Variants in HDAC11 observed in about 807,000 individuals in gnomAD.
HDAC11 encodes histone deacetylase 11.
Under a neutral mutation model 41.1 loss-of-function variants are expected in HDAC11, and 23 were observed. That is an observed-to-expected ratio of 0.56 (90% CI 0.40 to 0.79). HDAC11 has a LOEUF of 0.79. HDAC11 is among the 30% of genes least tolerant of loss of function. The probability of loss-of-function intolerance (pLI) is 0.00; values close to 1 mark genes in which losing one functional copy is unlikely to be tolerated. For missense variants in HDAC11, 402 were observed against 477.3 expected, an observed-to-expected ratio of 0.84 and a Z score of 1.47; for synonymous variants, 187 against 186.6, an observed-to-expected ratio of 1.00 and a Z score of -0.02.
intron 3 of HDAC11, among the ~76,000 whole-genome samples, chr3:13,487,061 C>A (rs1055119187): frequency 6.6e-6 from 1 of 152,052 alleles, no homozygotes; most frequent in Non-Finnish European, 1.5e-5. Flanking sequence ...TCTTGCAGGC[C>A]GTGGGAGGAG....
intron 8 of HDAC11, 91 bp from the exon 9 acceptor site, chr3:13,504,003 C>A: frequency 8.2e-7 from 1 of 1,213,664 alleles, no homozygotes; most frequent in Non-Finnish European, 1.2e-6. Context: ...TCTGACAGAC[C>A]AGTTTCCAGT....
At chr3:13,491,381 CTGTTCCT>C (rs1247540894) in intron 3 of HDAC11, among the ~76,000 whole-genome samples, 52 of 152,156 alleles carry the variant, frequency 3.4e-4, no homozygotes, top group Middle Eastern at 6.8e-3. Flanking sequence ...GAGTTCCCTT[CTGTTCCT>C]AGTTTGTTGA....
chr3:13,502,780 G>A lies in HDAC11; in HGVS notation c.553-104G>A. On this transcript the variant is annotated intron_variant, in intron 7 of 9. Transcript: ENST00000295757. The surrounding 1 kb of genome is among the most constrained non-coding windows in gnomAD (Gnocchi z 4.1). Reference sequence around the variant, plus strand: ...CCTGCTGCCCCCGAGAGCAGGCCGTGCTGCCCTGGCAAATGGGGAGTTTCC... The same window carrying A: ...CCTGCTGCCCCCGAGAGCAGGCCGTACTGCCCTGGCAAATGGGGAGTTTCC... The A allele has an allele frequency of 1.2e-6, 1 of 807,562 alleles. No homozygotes were observed. Among genetic ancestry groups the A allele is most frequent in the African/African-American group, 1.7e-5 (1 of 59,274 alleles). The allele number at this position is 807,562 out of a possible 1,614,324, so 50.0% of individuals were successfully genotyped here.
chr3:13,498,328 G>A (rs528207911), intron 4 of HDAC11, among the ~76,000 whole-genome samples, 185 bp from the exon 5 acceptor site: 23 of 152,334 alleles, frequency 1.5e-4, no homozygotes, highest in Admixed American at 3.9e-4. Context: ...AGCCAAGCTG[G>A]CACTTACTTC....
chr3:13,504,583 C>G lies in HDAC11; in HGVS notation c.944C>G (p.Ser315Cys). Residue 315 changes from serine to cysteine, a missense_variant, in exon 10 of 10, where the codon TCC (serine) becomes TGC (cysteine). Transcript: ENST00000295757. Reference protein sequence around the residue: ...QKRTARIIADSILNLFGLGLI... With the variant: ...QKRTARIIADCILNLFGLGLI... ...CGCACAGCCCGCATCATTGCTGACT[C>G]CATACTTAATCTGTTTGGCCTGGGG... 1 of 1,613,812 alleles carries G rather than the reference C, an allele frequency of 6.2e-7. No homozygotes were observed. The highest frequency in any genetic ancestry group is 8.5e-7 in the Non-Finnish European group (1 of 1,180,034).
At chr3:13,482,429 G>A (rs1206932606) in intron 2 of HDAC11, among the ~76,000 whole-genome samples, 1 of 152,208 alleles carries the variant, frequency 6.6e-6, no homozygotes, top group East Asian at 1.9e-4. Context: ...CGGAAGATGA[G>A]CAAAGCACAG....
chr3:13,500,733 T>G lies in HDAC11; in HGVS notation c.433T>G (p.Ser145Ala). ...CGCAGGGGGTGGCTTCCACCACTGC[T>G]CCAGCGACCGTGGCGGGGGCTTCTG... is the stretch of plus-strand genomic sequence containing the variant. ...INVGGGFHHC[S>A]SDRGGGFCAY... is the part of the protein sequence containing the mutation. Residue 145 changes from serine (S) to alanine (A), a missense_variant, in exon 6 of 10, where the codon TCC becomes GCC. Physicochemically the swap from Ser to Ala is moderately conservative, Grantham distance 99 (BLOSUM62 1). Coordinates refer to ENST00000295757, the MANE Select transcript of HDAC11 (RefSeq NM_024827.4). 1 of 1,597,456 alleles carries G rather than the reference T, an allele frequency of 6.3e-7. No individual in the cohort carries two copies. Among genetic ancestry groups the G allele is most frequent in the East Asian group, 2.3e-5 (1 of 44,390 alleles).
rs772327207 is a variant in HDAC11, at chr3:13,504,584, C to T, written c.945C>T (p.Ser315=). 6.2e-7 allele frequency: 1 copy of T among 1,613,830 alleles called. No homozygotes were observed. The highest frequency in any genetic ancestry group is 1.1e-5 in the South Asian group (1 of 91,088). Residue 315 remains serine (S), a synonymous_variant, in exon 10 of 10, where the codon TCC becomes TCT. Transcript: ENST00000295757. The part of the protein sequence containing the change: ...QKRTARIIAD[S]ILNLFGLGLI... ...GCACAGCCCGCATCATTGCTGACTC[C>T]ATACTTAATCTGTTTGGCCTGGGGC...
At chr3:13,486,158 C>G (rs936750578) in intron 3 of HDAC11, among the ~76,000 whole-genome samples, 1 of 150,468 alleles carries the variant, frequency 6.6e-6, no homozygotes. Flanking sequence ...TCCCAGCTAC[C>G]TGGGAGGCTG....
intron 5 of HDAC11, among the ~76,000 whole-genome samples, chr3:13,498,830 T>G (rs1050828750): frequency 8.6e-5 from 13 of 151,676 alleles, no homozygotes; most frequent in African/African-American, 2.7e-4. Flanking sequence ...CTTTGCGTAC[T>G]TCCGGTGGCA....
intron 8 of HDAC11, 60 bp downstream of exon 8, chr3:13,503,040 A>G: frequency 1.5e-6 from 2 of 1,299,984 alleles, no homozygotes; most frequent in South Asian, 1.2e-5. Flanking sequence ...CTCTCTCCTG[A>G]GTGTCTCCTG....
At chr3:13,496,670 C>T (rs1702109617) in intron 3 of HDAC11, 66 bp from the exon 4 acceptor site, 2 of 1,050,936 alleles carry the variant, frequency 1.9e-6, no homozygotes, top group Middle Eastern at 2.1e-4. Flanking sequence ...TCCCGGGGAA[C>T]CAATTTCTCA....
At chr3:13,503,806 G>A (rs1298281505) in intron 8 of HDAC11, among the ~76,000 whole-genome samples, 1 of 152,128 alleles carries the variant, frequency 6.6e-6, no homozygotes, top group Non-Finnish European at 1.5e-5. Context: ...GGCAGGGCAG[G>A]GTGTCCATGT....
intron 4 of HDAC11, among the ~76,000 whole-genome samples, chr3:13,497,217 C>T (rs953157127): frequency 6.6e-6 from 1 of 151,170 alleles, no homozygotes; most frequent in African/African-American, 2.4e-5. Flanking sequence ...CTCGTTCTGT[C>T]GCCCAGGCTG....
rs1347946225 is a variant in HDAC11, at chr3:13,502,989, C to T, written c.649+9C>T. On this transcript the variant is annotated intron_variant, in intron 8 of 9. Transcript: ENST00000295757. The surrounding 1 kb of genome is among the most constrained non-coding windows in gnomAD (Gnocchi z 4.1). Reference sequence around the variant, plus strand: ...GGACCGCTTTGCCAAGCGTAAGCTGCTGCCCCTACCCTCATCTTGGGTGTG... The same window carrying T: ...GGACCGCTTTGCCAAGCGTAAGCTGTTGCCCCTACCCTCATCTTGGGTGTG... 1.9e-6 allele frequency: 3 copies of T among 1,602,486 alleles called. No homozygotes were observed. Among genetic ancestry groups the T allele is most frequent in the African/African-American group, 1.3e-5 (1 of 74,828 alleles).
chr3:13,480,813 C>T lies in HDAC11; in HGVS notation c.3-433C>T, dbSNP rs1574880142. The stretch of plus-strand genomic sequence containing the variant: ...TGGGTTTCTGAGTGCTTACTGTGCT[C>T]AGCTCCTCAGTTGCATTCTCTGAGT... On this transcript the variant is annotated intron_variant, in intron 1 of 9. Transcript: ENST00000295757. This position sits in a 1 kb window ranked among gnomAD's most constrained non-coding sequence, Gnocchi z 4.6. 2.4e-6 allele frequency: 1 copy of T among 416,714 alleles called. No individual in the cohort carries two copies. The highest frequency in any genetic ancestry group is 5.0e-6 in the Non-Finnish European group (1 of 200,564). The allele number at this position is 416,714 out of a possible 1,614,324, so 25.8% of individuals were successfully genotyped here. A position where few individuals can be genotyped will look rare whatever the true frequency, so the allele number is the denominator to read the frequency against.
intron 6 of HDAC11, among the ~76,000 whole-genome samples, chr3:13,501,151 C>T (rs1244738125): frequency 6.6e-6 from 1 of 152,220 alleles, no homozygotes. Context: ...TAGCACCTGG[C>T]AGTTCTGCAT....
At chr3:13,490,555 TC>T (rs1701804966) in intron 3 of HDAC11, among the ~76,000 whole-genome samples, 1 of 152,092 alleles carries the variant, frequency 6.6e-6, no homozygotes, top group South Asian at 2.1e-4. Flanking sequence ...ATCTTGCACC[TC>T]TTGGTTAAAT....
In HDAC11 at chr3:13,502,952, C is replaced by T. The variant is rs1398985015; in HGVS notation, c.621C>T (p.His207=). The stretch of plus-strand genomic sequence containing the variant: ...ACATCATGGATGTCTACAACCGCCA[C>T]ATCTACCCAGGGGACCGCTTTGCCA... ...RVYIMDVYNR[H]IYPGDRFAKQ... Residue 207 remains histidine, a synonymous_variant, in exon 8 of 10, where the codon CAC becomes CAT. Transcript: ENST00000295757. The surrounding 1 kb of genome is among the most constrained non-coding windows in gnomAD (Gnocchi z 4.1). 7 of 1,613,688 alleles carry T rather than the reference C, an allele frequency of 4.3e-6. No homozygotes were observed. The highest frequency in any genetic ancestry group is 5.1e-6 in the Non-Finnish European group (6 of 1,179,854).
Sources: gnomAD v4.1 joint callset for allele counts (sites outside exome capture counted in the v4.1 genomes callset) on GRCh38, gnomAD v4.1.1 for gene constraint, Gnocchi (gnomAD v3.1) non-coding constraint, MANE v1.5 for transcripts, NCBI Gene and HGNC (gene_info 2026-07-23, HGNC 2026-07-21) for gene names.